Variants in SGCZ observed in about 807,000 individuals in gnomAD.
SGCZ encodes zeta-sarcoglycan.
In SGCZ, 40 loss-of-function variants were observed where a neutral mutation model predicts 41.3. That is an observed-to-expected ratio of 0.97 (90% CI 0.75 to 1.26). The LOEUF (loss-of-function observed/expected upper bound fraction) is 1.26. Ranked by LOEUF, SGCZ falls within the 50% of genes most tolerant of loss-of-function variation. The pLI, the probability that SGCZ is intolerant of heterozygous loss-of-function variation, is 0.00. For missense variants in SGCZ, 552 were observed against 369.8 expected, an observed-to-expected ratio of 1.49 and a Z score of -4.04; for synonymous variants, 206 against 137.5, an observed-to-expected ratio of 1.50 and a Z score of -3.49.
chr8:14,155,952 T>C (rs1803863675), intron 5 of SGCZ, among the ~76,000 whole-genome samples: 1 of 152,068 alleles, frequency 6.6e-6, no homozygotes, highest in Non-Finnish European at 1.5e-5. Context: ...ATGTTAAGTA[T>C]TCGTATATCT....
chr8:14,818,865 A>C (rs1801984364), intron 1 of SGCZ, among the ~76,000 whole-genome samples: 1 of 152,090 alleles, frequency 6.6e-6, no homozygotes, highest in South Asian at 2.1e-4. Context: ...TTTAAAAATA[A>C]TCTAGTGATG....
intron 1 of SGCZ, among the ~76,000 whole-genome samples, chr8:14,826,558 G>A (rs1240997753): frequency 1.4e-4 from 21 of 152,056 alleles, no homozygotes; most frequent in East Asian, 7.7e-4. Context: ...CAACAGTGTA[G>A]AAGTGTTCCT....
intron 2 of SGCZ, among the ~76,000 whole-genome samples, chr8:14,441,379 A>C (rs968428970): frequency 2.0e-5 from 3 of 152,076 alleles, no homozygotes; most frequent in Admixed American, 2.0e-4. Flanking sequence ...GATTGAGGCC[A>C]TCCTGTCCAA....
intron 2 of SGCZ, among the ~76,000 whole-genome samples, chr8:14,458,478 T>A (rs1800811585): frequency 6.6e-6 from 1 of 152,168 alleles, no homozygotes; most frequent in Non-Finnish European, 1.5e-5. Flanking sequence ...TTACAGATAA[T>A]GAGATCTAGG....
At chr8:14,512,688 C>A (rs1802502583) in intron 2 of SGCZ, among the ~76,000 whole-genome samples, 1 of 151,334 alleles carries the variant, frequency 6.6e-6, no homozygotes, top group African/African-American at 2.4e-5. Flanking sequence ...CTGGTTTGAA[C>A]CCCTGGTCTC....
intron 1 of SGCZ, among the ~76,000 whole-genome samples, chr8:15,027,602 G>C (rs1031019188): frequency 1.3e-5 from 2 of 151,958 alleles, no homozygotes; most frequent in South Asian, 2.1e-4. Flanking sequence ...TCACACAATA[G>C]AAAGTGGATT....
chr8:14,498,436 G>C (rs1023060142), intron 2 of SGCZ, among the ~76,000 whole-genome samples: 20 of 152,014 alleles, frequency 1.3e-4, no homozygotes, highest in Admixed American at 7.2e-4. Context: ...AATGCAATAT[G>C]AGTGGATCTA....
At chr8:14,818,085 C>A (rs561693822) in intron 1 of SGCZ, among the ~76,000 whole-genome samples, 3 of 152,292 alleles carry the variant, frequency 2.0e-5, no homozygotes, top group East Asian at 3.9e-4. Context: ...CCCAGCCCAC[C>A]CACACTGGGC....
At chr8:15,198,474 G>C (rs1800799599) in intron 1 of SGCZ, among the ~76,000 whole-genome samples, 1 of 152,068 alleles carries the variant, frequency 6.6e-6, no homozygotes, top group South Asian at 2.1e-4. Context: ...TTTAGGTTAG[G>C]AAATGAAAGT....
intron 3 of SGCZ, among the ~76,000 whole-genome samples, chr8:14,245,326 C>G (rs911853946): frequency 2.6e-4 from 40 of 152,124 alleles, no homozygotes; most frequent in Admixed American, 7.2e-4. Flanking sequence ...ACAAACCTGA[C>G]AAAAACAAGC....
At chr8:14,678,271 G>A (rs1585175783) in intron 1 of SGCZ, among the ~76,000 whole-genome samples, 1 of 152,136 alleles carries the variant, frequency 6.6e-6, no homozygotes, top group Non-Finnish European at 1.5e-5. Flanking sequence ...TACAGGCTAA[G>A]AGAAAATATT....
chr8:14,676,368 G>GTGTGTGTGTGTGTGTGTGTGTC (rs1248969624), intron 1 of SGCZ, among the ~76,000 whole-genome samples: 14 of 151,728 alleles, frequency 9.2e-5, no homozygotes, highest in African/African-American at 3.4e-4. Context: ...GTGTGTGTGT[G>GTGTGTGTGTGTGTGTGTGTGTC]TATCTCCAGC....
intron 4 of SGCZ, among the ~76,000 whole-genome samples, chr8:14,187,851 A>T (rs1303779742): frequency 6.6e-6 from 1 of 152,134 alleles, no homozygotes; most frequent in Non-Finnish European, 1.5e-5. Flanking sequence ...GAGAAATTCA[A>T]ATAAGATAAA....
chr8:14,701,560 T>A (rs1225307066), intron 1 of SGCZ, among the ~76,000 whole-genome samples: 1 of 151,982 alleles, frequency 6.6e-6, no homozygotes, highest in African/African-American at 2.4e-5. Context: ...CCACAGGCCG[T>A]CCGTGCTGCC....
chr8:15,006,206 G>C lies in SGCZ; in HGVS notation c.39+231379C>G, dbSNP rs193234490. Among the ~76,000 whole-genome samples, 48 of 152,254 alleles carry C rather than the reference G, an allele frequency of 3.2e-4. 2 individuals are homozygous for C. Among genetic ancestry groups the C allele is most frequent in the African/African-American group, 1.1e-3 (46 of 41,554 alleles). On this transcript the variant is annotated intron_variant, in intron 1 of 7. Transcript: ENST00000382080. ...AACGTGGAAGAATACCCTAAAAATA[G>C]CACTAGACATACTGATGATGAGTAC...
chr8:14,940,260 A>C (rs1227149492), intron 1 of SGCZ, among the ~76,000 whole-genome samples: 1 of 152,170 alleles, frequency 6.6e-6, no homozygotes, highest in Non-Finnish European at 1.5e-5. Flanking sequence ...CCCACATTTA[A>C]CTATAGCTAC....
At chr8:15,039,097 C>T (rs963480466) in intron 1 of SGCZ, among the ~76,000 whole-genome samples, 2 of 152,020 alleles carry the variant, frequency 1.3e-5, no homozygotes, top group African/African-American at 4.8e-5. Flanking sequence ...AAAAATAGAA[C>T]TGCCATATGA....
intron 2 of SGCZ, among the ~76,000 whole-genome samples, chr8:14,412,732 T>C (rs572258723): frequency 1.3e-5 from 2 of 152,130 alleles, no homozygotes; most frequent in South Asian, 4.1e-4. Context: ...ATGCACAATA[T>C]GCATATTAAA....
chr8:14,614,190 G>A (rs1461605930), intron 1 of SGCZ, among the ~76,000 whole-genome samples: 1 of 152,096 alleles, frequency 6.6e-6, no homozygotes, highest in African/African-American at 2.4e-5. Context: ...AAACTAATGA[G>A]ATAAACTTGA....
Sources: gnomAD v4.1 joint callset for allele counts (sites outside exome capture counted in the v4.1 genomes callset) on GRCh38, gnomAD v4.1.1 for gene constraint, MANE v1.5 for transcripts, NCBI Gene and HGNC (gene_info 2026-07-23, HGNC 2026-07-21) for gene names.